FLVCR1: variants seen among roughly 807,000 people sequenced by gnomAD.
The protein encoded by FLVCR1 is FLVCR choline and heme transporter 1.
FLVCR1 carries 34 observed loss-of-function variants against 53.6 expected under a neutral mutation model. The observed-to-expected ratio is 0.63, with a 90% CI of 0.48 to 0.84. FLVCR1 has a LOEUF of 0.84. Among genes scored for constraint, FLVCR1 ranks in the 40% least tolerant of loss-of-function variants. The probability of loss-of-function intolerance (pLI) is 0.00; values close to 1 mark genes in which losing one functional copy is unlikely to be tolerated. For missense variants in FLVCR1, 677 were observed against 696.7 expected, an observed-to-expected ratio of 0.97 and a Z score of 0.32; for synonymous variants, 300 against 286.3, an observed-to-expected ratio of 1.05 and a Z score of -0.48.
At chr1:212,865,962 G>GCC (rs1558109276) in intron 2 of FLVCR1, among the ~76,000 whole-genome samples, 1 of 75,814 alleles carries the variant, frequency 1.3e-5, no homozygotes, top group African/African-American at 3.6e-5. Flanking sequence ...ACAGGCATTT[G>GCC]GCTAATTTTT....
At chr1:212,893,075 T>G (rs12126400) in intron 8 of FLVCR1, among the ~76,000 whole-genome samples, 33,118 of 81,182 alleles carry the variant, frequency 0.41, 4,544 homozygotes, top group East Asian at 0.6. Context: ...TGGGGGGGGG[T>G]GCCGGAATGT....
intron 8 of FLVCR1, among the ~76,000 whole-genome samples, chr1:212,890,689 T>TGATCTGGTTATAACTTAGTTGGAG (rs992960280): frequency 6.6e-6 from 1 of 152,206 alleles, no homozygotes; most frequent in African/African-American, 2.4e-5. Context: ...TGTGCTTCGT[T>TGATCTGGTTATAACTTAGTTGGAG]GATCTGGTTA....
At chr1:212,877,175 G>A (rs186877785) in intron 3 of FLVCR1, among the ~76,000 whole-genome samples, 6 of 132,542 alleles carry the variant, frequency 4.5e-5, no homozygotes, top group South Asian at 2.4e-4. Flanking sequence ...TCGCTCTGTC[G>A]CCCAGGCTGG....
At position 212,858,477 on chromosome 1, in the gene FLVCR1, G is replaced by T. The variant is rs916015252; in HGVS notation, c.25G>T (p.Gly9Trp). The change falls in exon 1 of 10, where the codon GGG becomes TGG. Residue 9 changes from glycine to tryptophan, a missense_variant. Gly to Trp is a radical substitution (Grantham distance 184). Coordinates refer to ENST00000366971, the MANE Select transcript of FLVCR1 (RefSeq NM_014053.4). MARPDDEE[G>W]AAVAPGHPLA... ...TATGGCGCGGCCAGACGATGAGGAG[G>T]GGGCGGCGGTGGCGCCCGGACACCC... 6.9e-7 allele frequency: 1 copy of T among 1,442,352 alleles called. No homozygotes were observed. Among genetic ancestry groups the T allele is most frequent in the East Asian group, 2.5e-5 (1 of 39,920 alleles). The allele number at this position is 1,442,352 out of a possible 1,614,324, so 89.3% of individuals were successfully genotyped here.
At chr1:212,870,796 T>G (rs1664572505) in intron 2 of FLVCR1, among the ~76,000 whole-genome samples, 1 of 152,202 alleles carries the variant, frequency 6.6e-6, no homozygotes, top group African/African-American at 2.4e-5. Context: ...TGAGATAGTC[T>G]CACTCCGTTG....
At chr1:212,877,703 T>TTTTG (rs1664798408) in intron 3 of FLVCR1, among the ~76,000 whole-genome samples, 1 of 146,732 alleles carries the variant, frequency 6.8e-6, no homozygotes, top group Non-Finnish European at 1.5e-5. Context: ...TTTTTTTTTT[T>TTTTG]GCTGTGCAGA....
intron 5 of FLVCR1, among the ~76,000 whole-genome samples, chr1:212,886,045 T>TTTC (rs1343584935): frequency 6.8e-6 from 1 of 147,062 alleles, no homozygotes; most frequent in Non-Finnish European, 1.5e-5. Flanking sequence ...TCTTGTTCTT[T>TTTC]TTTTTTTTTT....
At chr1:212,876,619 C>G (rs1001329556) in intron 3 of FLVCR1, among the ~76,000 whole-genome samples, 1 of 152,276 alleles carries the variant, frequency 6.6e-6, no homozygotes, top group Non-Finnish European at 1.5e-5. Context: ...ACTGCCTCAG[C>G]CTCCCAAAGT....
intron 5 of FLVCR1, among the ~76,000 whole-genome samples, chr1:212,886,191 G>A (rs12036698): frequency 0.22 from 33,757 of 151,268 alleles, 4,401 homozygotes; most frequent in East Asian, 0.44. Context: ...ACAGGTGTGC[G>A]CCACCACACC....
At chr1:212,878,900 GA>G (rs1399763163) in intron 3 of FLVCR1, among the ~76,000 whole-genome samples, 3 of 152,104 alleles carry the variant, frequency 2.0e-5, no homozygotes, top group Middle Eastern at 3.4e-3. Flanking sequence ...GAGATAGGAG[GA>G]TTGCTTGAGC....
chr1:212,868,807 AAAAG>A (rs1664520334), intron 2 of FLVCR1, among the ~76,000 whole-genome samples: 1 of 152,364 alleles, frequency 6.6e-6, no homozygotes, highest in African/African-American at 2.4e-5. Context: ...ATTCCTCAAA[AAAAG>A]ACAATATTTT....
Position 212,858,767 on chromosome 1 carries a change from G to A in FLVCR1, c.315G>A (p.Pro105=). 3 of 1,613,970 alleles carry A rather than the reference G, an allele frequency of 1.9e-6. No individual in the cohort carries two copies. The highest frequency in any genetic ancestry group is 2.5e-6 in the Non-Finnish European group (3 of 1,179,994). The change falls in exon 1 of 10, where the codon CCG becomes CCA. Residue 105 remains proline, a synonymous_variant. Transcript: ENST00000366971. The part of the protein sequence containing the change: ...SSPLPLTALS[P]RRFVVLLIFS... ...CGCTGCCCCTTACGGCGCTCTCCCC[G>A]CGGCGCTTCGTGGTGCTCCTGATCT... is the stretch of plus-strand genomic sequence containing the variant.
chr1:212,876,052 G>A (rs1357424500), intron 3 of FLVCR1, among the ~76,000 whole-genome samples: 2 of 151,268 alleles, frequency 1.3e-5, no homozygotes, highest in African/African-American at 4.9e-5. Context: ...ACACTTGGCT[G>A]ATATTTGTGT....
At chr1:212,865,474 T>C (rs1374237852) in intron 2 of FLVCR1, among the ~76,000 whole-genome samples, 1 of 125,350 alleles carries the variant, frequency 8.0e-6, no homozygotes, top group African/African-American at 2.8e-5. Flanking sequence ...GACCTTCCAT[T>C]TGCAATAGGG....
At chr1:212,862,305 A>G (rs1424111893) in intron 1 of FLVCR1, among the ~76,000 whole-genome samples, 1 of 152,146 alleles carries the variant, frequency 6.6e-6, no homozygotes, top group East Asian at 1.9e-4. Flanking sequence ...AAGGCCCAAT[A>G]CCTACTAAAC....
At chr1:212,881,571 C>T (rs993143274) in intron 3 of FLVCR1, among the ~76,000 whole-genome samples, 12 of 151,946 alleles carry the variant, frequency 7.9e-5, no homozygotes, top group African/African-American at 2.4e-4. Context: ...ACTCCTTGGC[C>T]AGACTGGTGT....
chr1:212,886,809 A>T (rs76541023), intron 5 of FLVCR1, among the ~76,000 whole-genome samples: 9 of 149,278 alleles, frequency 6.0e-5, no homozygotes, highest in South Asian at 2.1e-4. Flanking sequence ...CTAAAAAAAT[A>T]AAAAAAAAAG....
At chr1:212,868,279 T>G (rs1664499718) in intron 2 of FLVCR1, among the ~76,000 whole-genome samples, 1 of 152,138 alleles carries the variant, frequency 6.6e-6, no homozygotes, top group Non-Finnish European at 1.5e-5. Context: ...TTATATTTTT[T>G]GTAGACAGGG....
At chr1:212,862,482 ATGT>A (rs1355735193) in intron 1 of FLVCR1, among the ~76,000 whole-genome samples, 4 of 152,182 alleles carry the variant, frequency 2.6e-5, no homozygotes, top group Non-Finnish European at 5.9e-5. Context: ...AAGTTCATCC[ATGT>A]TGTAGCACTG....
Sources: allele counts gnomAD v4.1 joint callset (sites outside exome capture counted in the v4.1 genomes callset), GRCh38; gene constraint gnomAD v4.1.1; transcripts MANE v1.5; gene names NCBI Gene and HGNC (gene_info 2026-07-23, HGNC 2026-07-21).